Variants in WDR90 observed in about 807,000 individuals in gnomAD.
WDR90 encodes WD repeat domain 90.
A neutral mutation model predicts 195.2 loss-of-function variants in WDR90; 238 were observed. The observed-to-expected ratio is 1.22, with a 90% CI of 1.10 to 1.36. The LOEUF (loss-of-function observed/expected upper bound fraction) is 1.36. Ranked by LOEUF, WDR90 falls within the 40% of genes most tolerant of loss-of-function variation. WDR90 has a pLI of 0.00. For synonymous variants in WDR90, 1,265 were observed against 1,052.4 expected, an observed-to-expected ratio of 1.20 and a Z score of -3.91; for missense variants, 2,734 against 2,439.5, an observed-to-expected ratio of 1.12 and a Z score of -2.54.
chr16:652,572 T>C (rs757044123), intron 10 of WDR90, 37 bp downstream of exon 10: 5 of 1,569,936 alleles, frequency 3.2e-6, no homozygotes, highest in Admixed American at 1.8e-5. Context: ...GCAGCTCTCG[T>C]TGGCCGGCTC....
intron 17 of WDR90, 32 bp from the exon 18 acceptor site, chr16:656,270 C>T (rs2037751551): frequency 6.3e-7 from 1 of 1,579,790 alleles, no homozygotes; most frequent in Non-Finnish European, 8.6e-7. Context: ...CCGGGGTGGC[C>T]CTGGAGGCCC....
chr16:658,837 G>A, intron 23 of WDR90, 59 bp from the exon 24 acceptor site: 1 of 1,595,088 alleles, frequency 6.3e-7, no homozygotes, highest in Non-Finnish European at 8.5e-7. Flanking sequence ...TGGGGACTGG[G>A]CACACGGCAG....
At chr16:658,847 G>C in intron 23 of WDR90, 49 bp from the exon 24 acceptor site, 1 of 1,600,938 alleles carries the variant, frequency 6.2e-7, no homozygotes. Flanking sequence ...GCACACGGCA[G>C]CATCCATGCC....
intron 17 of WDR90, 149 bp from the exon 18 acceptor site, chr16:656,153 C>T (rs1339861136): frequency 1.2e-5 from 10 of 820,810 alleles, no homozygotes; most frequent in Admixed American, 2.4e-5. Flanking sequence ...AGAGTGGTGG[C>T]CTCGAGGGAG....
rs761181046 is a variant in WDR90 at position 655,320 on chromosome 16, G to A, written c.1570G>A (p.Gly524Arg). The A allele has an allele frequency of 6.4e-5, 102 of 1,605,052 alleles. No homozygotes were observed. The highest frequency in any genetic ancestry group is 8.1e-5 in the Non-Finnish European group (95 of 1,179,688). Residue 524 changes from glycine (G) to arginine (R), a missense_variant, in exon 15 of 41, where the codon GGG becomes AGG. Physicochemically the swap from Gly to Arg is moderately radical, Grantham distance 125. Transcript: ENST00000293879. ...CATTCCTTGCAGGATGGCGTCGTGC[G>A]GGCAGGGCAGTGTGCGGCTCTGGCG... is the stretch of plus-strand genomic sequence containing the variant. ...FFDETRMASC[G>R]QGSVRLWRLR...
rs768051631 is a variant in WDR90, at chr16:652,464, C to T, written c.1054-3C>T. On this transcript the variant is annotated splice_region_variant and splice_polypyrimidine_tract_variant and intron_variant, in intron 9 of 40. Coordinates refer to ENST00000293879, the MANE Select transcript of WDR90 (RefSeq NM_145294.5). ...AGGACTTTGATGCGAATGGCTGTTT[C>T]AGGGCTTCCTCCCAGACCCAGTCCT... 1.2e-6 allele frequency: 2 copies of T among 1,604,208 alleles called. No homozygotes were observed. The highest frequency in any genetic ancestry group is 4.5e-5 in the East Asian group (2 of 44,658).
At chr16:658,149 G>T in intron 21 of WDR90, 34 bp from the exon 22 acceptor site, 1 of 1,591,898 alleles carries the variant, frequency 6.3e-7, no homozygotes, top group Non-Finnish European at 8.6e-7. Flanking sequence ...CTGCCCAGGG[G>T]CCCTGACTGT....
rs2037876777 is a variant in WDR90 at position 660,668 on chromosome 16, T to G, written c.3345T>G (p.Gly1115=). 2 of 1,582,238 alleles carry G rather than the reference T, an allele frequency of 1.3e-6. No individual in the cohort carries two copies. Among genetic ancestry groups the G allele is most frequent in the Non-Finnish European group, 1.7e-6 (2 of 1,165,174 alleles). Residue 1115 remains glycine, a synonymous_variant, in exon 28 of 41, where the codon GGT becomes GGG. Coordinates refer to ENST00000293879, the MANE Select transcript of WDR90 (RefSeq NM_145294.5). Reference sequence around the variant, plus strand: ...GGCTGCGTCTGAAGGCTGTCGTCGGTTACAGCGGGAATGGGCGGGCCAACA... The same window carrying G: ...GGCTGCGTCTGAAGGCTGTCGTCGGGTACAGCGGGAATGGGCGGGCCAACA... The part of the protein sequence containing the change: ...GGWLRLKAVV[G]YSGNGRANMV...
In WDR90 at chr16:658,661, C is replaced by T. The variant is rs747431451; in HGVS notation, c.2895+8C>T. 6 of 1,601,980 alleles carry T rather than the reference C, an allele frequency of 3.7e-6. No individual in the cohort carries two copies. Among genetic ancestry groups the T allele is most frequent in the South Asian group, 1.1e-5 (1 of 90,796 alleles). On this transcript the variant is annotated splice_region_variant and intron_variant, in intron 23 of 40. Transcript: ENST00000293879. ...GCCAGCCCAGGCCCCCAGGTGTGTG[C>T]GTGGGGAGGCAGGTGGCTTTGGCGG...
At chr16:665,369 A>C in intron 34 of WDR90, 1 of 555,552 alleles carries the variant, frequency 1.8e-6, no homozygotes, top group Non-Finnish European at 3.2e-6. Context: ...TTTCAGCCTC[A>C]GTCTGTAGCC....
intron 12 of WDR90, 31 bp from the exon 13 acceptor site, chr16:653,715 G>T (rs775956835): frequency 6.2e-7 from 1 of 1,613,328 alleles, no homozygotes; most frequent in Non-Finnish European, 8.5e-7. Context: ...GTCAGCCCAG[G>T]CGACAATGAC....
chr16:660,179 G>T lies in WDR90; in HGVS notation c.3288+18G>T, dbSNP rs1458210292. On this transcript the variant is annotated intron_variant, in intron 27 of 40. Coordinates refer to ENST00000293879, the MANE Select transcript of WDR90 (RefSeq NM_145294.5). ...CTGCCAAGGTGGGGAGTGGTTTCTG[G>T]GAGCCCTCTTTATCCCCAGCAAGCA... The T allele has an allele frequency of 1.3e-6, 2 of 1,498,104 alleles. No individual in the cohort carries two copies. Among genetic ancestry groups the T allele is most frequent in the Non-Finnish European group, 1.8e-6 (2 of 1,116,668 alleles). 92.8% of individuals were successfully genotyped at this position (1,498,104 alleles called of 1,614,324 possible). A position where few individuals can be genotyped will look rare whatever the true frequency, so the allele number is the denominator to read the frequency against.
chr16:661,169 C>T lies in WDR90; in HGVS notation c.3510C>T (p.Ala1170=). Residue 1170 remains alanine, a synonymous_variant, in exon 29 of 41, where the codon GCC becomes GCT. Transcript: ENST00000293879. ...EISTLALSHS[A]QVLASASGRS... is the part of the protein sequence containing the mutation. ...CCACGCTGGCCCTCAGCCACAGTGCCCAGGTGCCCGCCTGCATCGCCCTCC... is the reference window on the plus strand; with the variant it reads ...CCACGCTGGCCCTCAGCCACAGTGCTCAGGTGCCCGCCTGCATCGCCCTCC... 1 of 1,544,506 alleles carries T rather than the reference C, an allele frequency of 6.5e-7. No homozygotes were observed. Among genetic ancestry groups the T allele is most frequent in the Non-Finnish European group, 8.7e-7 (1 of 1,150,700 alleles).
intron 20 of WDR90, chr16:657,484 A>C: frequency 1.4e-6 from 1 of 706,534 alleles, no homozygotes; most frequent in Non-Finnish European, 2.3e-6. Flanking sequence ...AGCTGGAGTC[A>C]GACCCAGGCA....
At position 666,901 on chromosome 16, in the gene WDR90, A is replaced by T. The variant is rs1219814442; in HGVS notation, c.5005-4A>T. The T allele has an allele frequency of 6.2e-7, 1 of 1,613,160 alleles. No individual in the cohort carries two copies. On this transcript the variant is annotated splice_region_variant and splice_polypyrimidine_tract_variant and intron_variant, in intron 39 of 40. Transcript: ENST00000293879. The stretch of plus-strand genomic sequence containing the variant: ...GCCTGGAGCCTCACGCTGGCTGCTC[A>T]CAGGTGGTGGAGAAGATACCACTGC...
chr16:656,145 A>T (rs947400374), intron 17 of WDR90, 157 bp from the exon 18 acceptor site: 1 of 790,620 alleles, frequency 1.3e-6, no homozygotes, highest in Non-Finnish European at 2.0e-6. Flanking sequence ...CTAGCCTAAG[A>T]GTGGTGGCCT....
At position 655,326 on chromosome 16, in the gene WDR90, G is replaced by C; in HGVS notation, c.1576G>C (p.Gly526Arg). The change falls in exon 15 of 41, where the codon GGC becomes CGC. Residue 526 changes from glycine to arginine, a missense_variant. Coordinates refer to ENST00000293879, the MANE Select transcript of WDR90 (RefSeq NM_145294.5). ...DETRMASCGQ[G>R]SVRLWRLRGG... is the part of the protein sequence containing the mutation. ...TTGCAGGATGGCGTCGTGCGGGCAG[G>C]GCAGTGTGCGGCTCTGGCGGCTGCG... 6.2e-7 allele frequency: 1 copy of C among 1,604,394 alleles called. No homozygotes were observed. The highest frequency in any genetic ancestry group is 8.5e-7 in the Non-Finnish European group (1 of 1,179,510).
chr16:651,534 G>C, intron 7 of WDR90, 110 bp from the exon 8 acceptor site: 1 of 1,131,468 alleles, frequency 8.8e-7, no homozygotes, highest in South Asian at 1.4e-5. Context: ...TGTGGGTCCT[G>C]CAGAGCCGGT....
At position 659,137 on chromosome 16, in the gene WDR90, G is replaced by T. The variant is rs566063220; in HGVS notation, c.3052+11G>T. ...CAGCCTGCAAGACAGGTGAGTGGCT[G>T]TGCTCAGCTGGGGTGCAGGTGCTGC... is the stretch of plus-strand genomic sequence containing the variant. On this transcript the variant is annotated intron_variant, in intron 25 of 40. Coordinates refer to ENST00000293879, the MANE Select transcript of WDR90 (RefSeq NM_145294.5). The T allele has an allele frequency of 1.9e-4, 306 of 1,611,316 alleles. 3 individuals are homozygous for T. In the South Asian group the frequency reaches 3.3e-3, roughly 17 times the overall value.
Sources: gnomAD v4.1 joint callset for allele counts on GRCh38, gnomAD v4.1.1 for gene constraint, MANE v1.5 for transcripts, NCBI Gene and HGNC (gene_info 2026-07-23, HGNC 2026-07-21) for gene names.